GLMN: variants seen among roughly 807,000 people sequenced by gnomAD.
GLMN encodes the protein glomulin, FKBP associated protein, also known as glomulin.
In GLMN, 75 loss-of-function variants were observed where a neutral mutation model predicts 87.8. The observed-to-expected ratio is 0.85, with a 90% CI of 0.71 to 1.04. The LOEUF is 1.04. Ranked by LOEUF, GLMN falls within the 50% of genes least tolerant of loss-of-function variation. GLMN has a pLI of 0.00. For synonymous variants in GLMN, 206 were observed against 221.6 expected (o/e 0.93, Z 0.63); for missense variants, 588 against 658.8 (o/e 0.89, Z 1.18).
intron 7 of GLMN, among the ~76,000 whole-genome samples, chr1:92,276,396 C>T (rs1647299003): frequency 6.6e-6 from 1 of 152,044 alleles, no homozygotes; most frequent in Non-Finnish European, 1.5e-5. Context: ...AACAGTGGCT[C>T]TCGCCTGTAA....
At chr1:92,280,178 G>C (rs543412214) in intron 7 of GLMN, among the ~76,000 whole-genome samples, 2 of 152,192 alleles carry the variant, frequency 1.3e-5, no homozygotes, top group South Asian at 4.1e-4. Flanking sequence ...CCTGACCCCC[G>C]CGTAGCGTGA....
the GLMN span, among the ~76,000 whole-genome samples, chr1:92,367,350 G>A: frequency 6.6e-6 from 1 of 152,088 alleles, no homozygotes; most frequent in South Asian, 2.1e-4. Flanking sequence ...GACGGCTTTT[G>A]CGTTTGTTTG....
chr1:92,314,231 T>C, the GLMN span, among the ~76,000 whole-genome samples: 2 of 152,204 alleles, frequency 1.3e-5, no homozygotes, highest in Non-Finnish European at 2.9e-5. Flanking sequence ...AGCTTAATCA[T>C]TTCTAGCTTT....
chr1:92,339,114 A>C, the GLMN span, among the ~76,000 whole-genome samples: 3 of 152,160 alleles, frequency 2.0e-5, no homozygotes, highest in African/African-American at 7.2e-5. Flanking sequence ...TATATTTTTT[A>C]GAACAATATT....
the GLMN span, among the ~76,000 whole-genome samples, chr1:92,361,262 G>A: frequency 1.3e-5 from 2 of 152,006 alleles, no homozygotes; most frequent in Non-Finnish European, 2.9e-5. Flanking sequence ...AGTAAGTGAG[G>A]TAAATTTGAA....
chr1:92,293,142 T>G (rs991432348), intron 3 of GLMN, among the ~76,000 whole-genome samples: 1 of 151,920 alleles, frequency 6.6e-6, no homozygotes, highest in Non-Finnish European at 1.5e-5. Flanking sequence ...GATTAAAAAA[T>G]TGGCAAAAGA....
the GLMN span, among the ~76,000 whole-genome samples, chr1:92,315,580 T>A: frequency 6.6e-5 from 10 of 152,320 alleles, no homozygotes; most frequent in East Asian, 1.7e-3. Flanking sequence ...TTTACCAGAT[T>A]TTATAATACC....
the GLMN span, among the ~76,000 whole-genome samples, chr1:92,368,287 G>A: frequency 6.6e-6 from 1 of 152,140 alleles, no homozygotes; most frequent in Non-Finnish European, 1.5e-5. Context: ...GCTGAGGCAG[G>A]AGAATCGCCT....
Position 92,258,229 on chromosome 1 carries a change from C to T in GLMN, c.1473+4634G>A, listed in dbSNP as rs368723073. Among the ~76,000 whole-genome samples the T allele has an allele frequency of 5.1e-3, 748 of 147,118 alleles. 1 individual carries two copies. Among genetic ancestry groups the T allele is most frequent in the African/African-American group, 0.016 (644 of 39,962 alleles). On this transcript the variant is annotated intron_variant, in intron 16 of 18. Coordinates refer to ENST00000370360, the MANE Select transcript of GLMN (RefSeq NM_053274.3). ...TACCATCTCATGCCAGTTAGAATGG[C>T]GATCATTAAAAAGTCAGGAAACAAC...
rs1656035978 is a variant in GLMN, at chr1:92,269,741, A to G, written c.959T>C (p.Ile320Thr). Residue 320 changes from isoleucine to threonine, a missense_variant, in exon 9 of 19, where the codon ATT becomes ACT. Ile to Thr is a moderately conservative substitution (Grantham distance 89). Transcript: ENST00000370360. ...ATCTTACCTTTGCAAAAAGACTTCA[A>G]TGTGCCCCATATTAAACTGCAAAAG... ...LYLLQFNMGH[I>T]EVFLQRTEES... 6 of 1,608,624 alleles carry G rather than the reference A, an allele frequency of 3.7e-6. No homozygotes were observed. The highest frequency in any genetic ancestry group is 5.1e-6 in the Non-Finnish European group (6 of 1,175,258).
intron 7 of GLMN, among the ~76,000 whole-genome samples, chr1:92,283,063 T>C (rs1648279411): frequency 6.6e-6 from 1 of 152,184 alleles, no homozygotes; most frequent in African/African-American, 2.4e-5. Context: ...GAGGAGATGG[T>C]ACCATTCCTT....
the GLMN span, among the ~76,000 whole-genome samples, chr1:92,310,346 TG>T: frequency 1.3e-5 from 2 of 152,208 alleles, no homozygotes; most frequent in Admixed American, 1.3e-4. Context: ...TCTAGAATTT[TG>T]TATTTTTAAA....
At chr1:92,274,908 A>G (rs969487745) in intron 7 of GLMN, among the ~76,000 whole-genome samples, 1 of 152,024 alleles carries the variant, frequency 6.6e-6, no homozygotes, top group African/African-American at 2.4e-5. Flanking sequence ...TTCTTTCCCT[A>G]TCCAACCTGA....
the GLMN span, among the ~76,000 whole-genome samples, chr1:92,333,986 G>A: frequency 3.3e-5 from 5 of 152,118 alleles, no homozygotes; most frequent in African/African-American, 9.7e-5. Flanking sequence ...CTTGTAATTA[G>A]CCCAGTCATA....
the GLMN span, among the ~76,000 whole-genome samples, chr1:92,354,833 AT>A: frequency 6.6e-6 from 1 of 151,478 alleles, no homozygotes; most frequent in South Asian, 2.1e-4. Context: ...GGTTTTTCAA[AT>A]TTGGGGACAT....
the GLMN span, among the ~76,000 whole-genome samples, chr1:92,332,067 A>C: frequency 6.6e-6 from 1 of 150,698 alleles, no homozygotes; most frequent in Non-Finnish European, 1.5e-5. Context: ...GTTCCCAGTT[A>C]TCTCTTAGAT....
At position 92,298,978 on chromosome 1, in the gene GLMN, C is replaced by G. The variant is rs1293124351; in HGVS notation, c.-84G>C. On this transcript the variant is annotated 5_prime_UTR_variant, in exon 1 of 19. Coordinates refer to ENST00000370360, the MANE Select transcript of GLMN (RefSeq NM_053274.3). Reference sequence around the variant, plus strand: ...CCGCCACCTCCTCCGGCGTCTTAGCCCGCTCTTCTGGCCCCGCCCCGCGCT... The same window carrying G: ...CCGCCACCTCCTCCGGCGTCTTAGCGCGCTCTTCTGGCCCCGCCCCGCGCT... 1 of 562,752 alleles carries G rather than the reference C, an allele frequency of 1.8e-6. No individual in the cohort carries two copies. Among genetic ancestry groups the G allele is most frequent in the Admixed American group, 3.7e-5 (1 of 26,876 alleles). The allele number at this position is 562,752 out of a possible 1,614,324, so 34.9% of individuals were successfully genotyped here.
At chr1:92,304,203 A>T in the GLMN span, 1 of 1,130,356 alleles carries the variant, frequency 8.8e-7, no homozygotes, top group Non-Finnish European at 1.3e-6. Context: ...ATGATATGAT[A>T]TGTAGATGAC....
chr1:92,333,894 A>G, the GLMN span, among the ~76,000 whole-genome samples: 1 of 152,184 alleles, frequency 6.6e-6, no homozygotes, highest in Non-Finnish European at 1.5e-5. Flanking sequence ...CCTTAGAACC[A>G]TTTCACACTC....
Sources: gnomAD v4.1 joint callset for allele counts (sites outside exome capture counted in the v4.1 genomes callset) on GRCh38, gnomAD v4.1.1 for gene constraint, MANE v1.5 for transcripts, NCBI Gene and HGNC (gene_info 2026-07-23, HGNC 2026-07-21) for gene names.